Variants in MKNK1 observed in about 807,000 individuals in gnomAD.
MKNK1 encodes MAP kinase-interacting serine/threonine-protein kinase 1.
A neutral mutation model predicts 49.3 loss-of-function variants in MKNK1; 30 were observed. The observed-to-expected ratio is 0.61, with a 90% CI of 0.46 to 0.83. The LOEUF (loss-of-function observed/expected upper bound fraction) is 0.83, where lower values mean the gene tolerates loss of function less well. Ranked by LOEUF, MKNK1 falls within the 40% of genes least tolerant of loss-of-function variation. The pLI, the probability that MKNK1 is intolerant of heterozygous loss-of-function variation, is 0.00. For missense variants in MKNK1, 423 were observed against 524.7 expected (o/e 0.81, Z 1.89); for synonymous variants, 176 against 201.7 (o/e 0.87, Z 1.08).
intron 2 of MKNK1, chr1:46,585,542 T>A (rs1191274344): frequency 1.4e-5 from 4 of 276,910 alleles, no homozygotes; most frequent in Non-Finnish European, 2.2e-5. Context: ...TATTTTCTCA[T>A]CGGCACCGCA....
chr1:46,564,826 C>G (rs1169868830), intron 9 of MKNK1, among the ~76,000 whole-genome samples: 2 of 152,136 alleles, frequency 1.3e-5, no homozygotes, highest in African/African-American at 4.8e-5. Flanking sequence ...GAGGACCCAA[C>G]CCAACTAACA....
intron 9 of MKNK1, among the ~76,000 whole-genome samples, chr1:46,564,797 T>G (rs1312930661): frequency 6.6e-6 from 1 of 152,000 alleles, no homozygotes; most frequent in Non-Finnish European, 1.5e-5. Flanking sequence ...TAGATATAAT[T>G]TGTCTCTTCA....
intron 4 of MKNK1, among the ~76,000 whole-genome samples, chr1:46,579,001 G>T (rs1174874889): frequency 2.6e-5 from 4 of 152,120 alleles, no homozygotes; most frequent in Admixed American, 2.6e-4. Context: ...TGATCAGCCC[G>T]CCTCAGCCTC....
chr1:46,565,216 C>T, intron 8 of MKNK1, 80 bp from the exon 9 acceptor site: 1 of 1,323,592 alleles, frequency 7.6e-7, no homozygotes, highest in Non-Finnish European at 1.1e-6. Flanking sequence ...TGTACGGGTG[C>T]ATGGCTCCGT....
chr1:46,575,065 T>C, intron 5 of MKNK1, 45 bp from the exon 6 acceptor site: 1 of 1,257,978 alleles, frequency 7.9e-7, no homozygotes, highest in Non-Finnish European at 1.2e-6. Context: ...GGGGAAATGG[T>C]ATTATATATT....
chr1:46,602,422 G>A (rs1228737814), intron 1 of MKNK1, among the ~76,000 whole-genome samples: 1 of 152,020 alleles, frequency 6.6e-6, no homozygotes, highest in Non-Finnish European at 1.5e-5. Context: ...AAAAAAAAAG[G>A]AGAAACAGAG....
At chr1:46,597,784 T>C (rs1297540975) in intron 1 of MKNK1, among the ~76,000 whole-genome samples, 1 of 152,200 alleles carries the variant, frequency 6.6e-6, no homozygotes, top group African/African-American at 2.4e-5. Flanking sequence ...TAATTGTTAA[T>C]GAATGGATGG....
intron 4 of MKNK1, among the ~76,000 whole-genome samples, chr1:46,578,352 G>A (rs1468022661): frequency 6.6e-6 from 1 of 152,116 alleles, no homozygotes; most frequent in Non-Finnish European, 1.5e-5. Flanking sequence ...TCTCTAGGGA[G>A]CTTTGAAAGA....
In MKNK1 at chr1:46,561,601, A is replaced by G. The variant is rs1346368333; in HGVS notation, c.846T>C (p.Phe282=). 6.2e-6 allele frequency: 10 copies of G among 1,614,168 alleles called. No homozygotes were observed. The highest frequency in any genetic ancestry group is 8.5e-6 in the Non-Finnish European group (10 of 1,180,004). The change falls in exon 11 of 13, where the codon TTT becomes TTC. Residue 282 remains phenylalanine, a synonymous_variant. Coordinates refer to ENST00000371945, the MANE Select transcript of MKNK1 (RefSeq NM_001135553.4). ...FESIQEGKYE[F]PDKDWAHISS... The stretch of plus-strand genomic sequence containing the variant: ...AGATGTGTGCCCAGTCCTTGTCAGG[A>G]AACTCATACTTGCCTTCCTGGATGC...
At chr1:46,590,772 C>T (rs1673228263) in intron 2 of MKNK1, among the ~76,000 whole-genome samples, 1 of 152,234 alleles carries the variant, frequency 6.6e-6, no homozygotes, top group Admixed American at 6.5e-5. Flanking sequence ...ATCAGGCCTC[C>T]AGTCACTCAC....
At chr1:46,590,453 C>G (rs1277228377) in intron 2 of MKNK1, among the ~76,000 whole-genome samples, 1 of 152,246 alleles carries the variant, frequency 6.6e-6, no homozygotes, top group African/African-American at 2.4e-5. Context: ...CATATACTAA[C>G]TTATTTAATC....
chr1:46,563,239 T>G (rs1462533003), intron 9 of MKNK1, among the ~76,000 whole-genome samples: 1 of 152,206 alleles, frequency 6.6e-6, no homozygotes, highest in Non-Finnish European at 1.5e-5. Context: ...TTTCTTAAAG[T>G]GAATCCTGTC....
At chr1:46,585,562 C>T (rs571309216) in intron 2 of MKNK1, 18 of 321,178 alleles carry the variant, frequency 5.6e-5, no homozygotes, top group African/African-American at 3.9e-4. Context: ...AGGCCCAGTG[C>T]AGAGGAAACA....
At chr1:46,585,143 G>A (rs1238520967) in intron 2 of MKNK1, among the ~76,000 whole-genome samples, 4 of 150,750 alleles carry the variant, frequency 2.7e-5, no homozygotes, top group East Asian at 3.9e-4. Flanking sequence ...CCAGCTACTC[G>A]GGAGGCTGAG....
chr1:46,560,084 T>C (rs1667667952), intron 12 of MKNK1, 150 bp downstream of exon 12: 3 of 846,196 alleles, frequency 3.5e-6, no homozygotes, highest in Non-Finnish European at 5.7e-6. Flanking sequence ...AGATCCAGAG[T>C]AGAGGAAAAG....
At chr1:46,561,394 C>T (rs930022391) in intron 11 of MKNK1, 84 bp downstream of exon 11, 2 of 1,463,194 alleles carry the variant, frequency 1.4e-6, no homozygotes, top group Admixed American at 4.6e-5. Context: ...GGCTGGTGCT[C>T]AGCACTTGCT....
intron 2 of MKNK1, 69 bp from the exon 3 acceptor site, chr1:46,583,398 A>G: frequency 4.2e-6 from 4 of 961,016 alleles, no homozygotes; most frequent in Non-Finnish European, 4.5e-6. Context: ...ACCCAGAAGG[A>G]AAAAAAAAAG....
intron 7 of MKNK1, 150 bp from the exon 8 acceptor site, chr1:46,568,648 G>T: frequency 1.4e-6 from 1 of 733,550 alleles, no homozygotes; most frequent in Non-Finnish European, 2.3e-6. Flanking sequence ...GGAGGCAGAA[G>T]TAACCAGCGA....
At chr1:46,570,560 C>T (rs539325987) in intron 7 of MKNK1, among the ~76,000 whole-genome samples, 6 of 152,324 alleles carry the variant, frequency 3.9e-5, no homozygotes, top group South Asian at 2.1e-4. Flanking sequence ...TGGTCTGCAC[C>T]GGATTGTGGG....
Sources: gnomAD v4.1 joint callset for allele counts (sites outside exome capture counted in the v4.1 genomes callset) on GRCh38, gnomAD v4.1.1 for gene constraint, MANE v1.5 for transcripts, NCBI Gene and HGNC (gene_info 2026-07-23, HGNC 2026-07-21) for gene names.